The following ZNF644 variants were observed in gnomAD, a reference collection of about 807,000 sequenced individuals.
The protein encoded by ZNF644 is zinc finger motif enhancer binding protein 2.
In ZNF644, 20 loss-of-function variants were observed where a neutral mutation model predicts 108.0. The ratio of observed to expected loss-of-function variants is 0.19; its 90% CI spans 0.13 to 0.27. The LOEUF is 0.27. Among genes scored for constraint, ZNF644 ranks in the 10% least tolerant of loss-of-function variants. The pLI is 1.00. For synonymous variants in ZNF644, 542 were observed against 539.1 expected (o/e 1.01, Z -0.08); for missense variants, 1,338 against 1,548.9 (o/e 0.86, Z 2.29).
At chr1:90,926,393 C>T (rs1650037866) in intron 4 of ZNF644, among the ~76,000 whole-genome samples, 1 of 152,166 alleles carries the variant, frequency 6.6e-6, no homozygotes, top group African/African-American at 2.4e-5. Flanking sequence ...TTAGCCAACC[C>T]ATTCAACATA....
intron 1 of ZNF644, among the ~76,000 whole-genome samples, chr1:90,998,054 C>T (rs571066491): frequency 3.0e-4 from 45 of 152,298 alleles, no homozygotes; most frequent in Admixed American, 2.4e-3. Context: ...CCAGGAAGCT[C>T]GAACTGGGGG....
rs570312206 is a variant in ZNF644, at chr1:90,920,874, C to T, written c.3689-2720G>A. 1.0e-3 allele frequency among the ~76,000 whole-genome samples: 154 copies of T among 152,104 alleles called. 1 individual carries two copies. The highest frequency in any genetic ancestry group is 3.6e-3 in the African/African-American group (151 of 41,530). Reference sequence around the variant, plus strand: ...TCTAAATGCCTCAGTGTTTTAATATCTTCATCAATTCTAGATTTATTATCT... The same window carrying T: ...TCTAAATGCCTCAGTGTTTTAATATTTTCATCAATTCTAGATTTATTATCT... On this transcript the variant is annotated intron_variant, in intron 4 of 5. Transcript: ENST00000337393.
intron 2 of ZNF644, among the ~76,000 whole-genome samples, chr1:90,964,401 G>T (rs1292041427): frequency 6.6e-6 from 1 of 152,004 alleles, no homozygotes. Context: ...CCTAAAGGAG[G>T]TTTCTATCAA....
intron 1 of ZNF644, among the ~76,000 whole-genome samples, chr1:91,018,231 T>C (rs1164917541): frequency 6.6e-6 from 1 of 152,194 alleles, no homozygotes; most frequent in Non-Finnish European, 1.5e-5. Context: ...ATCAGTTCCA[T>C]GATTCTCAAA....
intron 2 of ZNF644, among the ~76,000 whole-genome samples, chr1:90,945,983 T>C (rs1025150462): frequency 1.3e-5 from 2 of 152,080 alleles, no homozygotes; most frequent in African/African-American, 4.8e-5. Flanking sequence ...GAATTATAGT[T>C]AGGATCTGTC....
intron 1 of ZNF644, among the ~76,000 whole-genome samples, chr1:90,997,963 T>G (rs189662516): frequency 0.013 from 1,925 of 152,314 alleles, 39 homozygotes; most frequent in African/African-American, 0.044. Flanking sequence ...CACAGCAGTC[T>G]GAGATCGAAC....
At chr1:90,980,095 T>C (rs1321143779) in intron 2 of ZNF644, among the ~76,000 whole-genome samples, 4 of 152,322 alleles carry the variant, frequency 2.6e-5, no homozygotes, top group East Asian at 1.9e-4. Context: ...ACTCTTTTCA[T>C]TGGTCAATGT....
At chr1:91,010,864 C>A (rs1659902380) in intron 1 of ZNF644, among the ~76,000 whole-genome samples, 1 of 152,062 alleles carries the variant, frequency 6.6e-6, no homozygotes, top group Non-Finnish European at 1.5e-5. Context: ...TACAACCAGA[C>A]AAACAAGACT....
intron 2 of ZNF644, among the ~76,000 whole-genome samples, chr1:90,950,306 G>GGAGGGCAGGGCAGGGCAGGGCA (rs1570411704): frequency 2.2e-5 from 1 of 45,108 alleles, no homozygotes; most frequent in African/African-American, 9.6e-5. Flanking sequence ...GGAGGGGAGG[G>GGAGGGCAGGGCAGGGCAGGGCA]GACAAAAGAA....
intron 1 of ZNF644, among the ~76,000 whole-genome samples, chr1:91,009,630 C>A (rs1358257181): frequency 6.6e-6 from 1 of 152,128 alleles, no homozygotes; most frequent in Non-Finnish European, 1.5e-5. Flanking sequence ...TAAGCCATGG[C>A]TAAAATACAG....
intron 1 of ZNF644, among the ~76,000 whole-genome samples, chr1:90,987,064 A>T (rs886371451): frequency 2.2e-4 from 29 of 134,470 alleles, no homozygotes; most frequent in Admixed American, 2.9e-4. Context: ...TTACATGTTT[A>T]AAAAAAAAAA....
rs201661481 is a variant in ZNF644, at chr1:90,939,554, A to G, written c.1800T>C (p.Val600=). The change falls in exon 3 of 6, where the codon GTT becomes GTC. Residue 600 remains valine (V), a synonymous_variant. Coordinates refer to ENST00000337393, the MANE Select transcript of ZNF644 (RefSeq NM_201269.3). ...MCPFTTSAKS[V]LKKHTEYLHS... is the part of the protein sequence containing the mutation. ...GCAAGTACTCCGTGTGCTTTTTTAAAACACTTTTGGCTGAAGTAGTAAAAG... is the reference window on the plus strand; with the variant it reads ...GCAAGTACTCCGTGTGCTTTTTTAAGACACTTTTGGCTGAAGTAGTAAAAG... 2 of 1,614,020 alleles carry G rather than the reference A, an allele frequency of 1.2e-6. No individual in the cohort carries two copies. Among genetic ancestry groups the G allele is most frequent in the African/African-American group, 2.7e-5 (2 of 75,042 alleles).
intron 1 of ZNF644, among the ~76,000 whole-genome samples, chr1:91,017,901 G>T (rs1188835274): frequency 1.3e-5 from 2 of 152,166 alleles, no homozygotes; most frequent in African/African-American, 4.8e-5. Context: ...GGCAGAGGTT[G>T]CAGTGAGCCA....
At chr1:90,969,343 C>A (rs1297026690) in intron 2 of ZNF644, among the ~76,000 whole-genome samples, 1 of 152,144 alleles carries the variant, frequency 6.6e-6, no homozygotes, top group South Asian at 2.1e-4. Flanking sequence ...TGATCCTGGA[C>A]TTCTAGCCTC....
rs939757941 is a variant in ZNF644, at chr1:90,938,979, G to A, written c.2375C>T (p.Pro792Leu). The A allele has an allele frequency of 1.9e-6, 3 of 1,613,992 alleles. No individual in the cohort carries two copies. Among genetic ancestry groups the A allele is most frequent in the Non-Finnish European group, 2.5e-6 (3 of 1,179,940 alleles). The change falls in exon 3 of 6, where the codon CCT (proline) becomes CTT (leucine). Residue 792 changes from proline to leucine, a missense_variant. Pro to Leu is a moderately conservative substitution (Grantham distance 98). Transcript: ENST00000337393. The surrounding 1 kb of genome is among the most constrained non-coding windows in gnomAD (Gnocchi z 4.2). ...HNNFISDPHKPDAKRPESFKD... is the reference protein window; with the variant it reads ...HNNFISDPHKLDAKRPESFKD... The stretch of plus-strand genomic sequence containing the variant: ...GAAGCTTTCAGGCCTTTTGGCGTCA[G>A]GCTTATGAGGGTCTGAAATAAAATT...
intron 2 of ZNF644, among the ~76,000 whole-genome samples, chr1:90,957,431 T>C (rs1653863005): frequency 2.0e-5 from 3 of 152,140 alleles, no homozygotes; most frequent in Admixed American, 1.3e-4. Context: ...TCATATAACA[T>C]AACCAAGTGG....
In ZNF644 at chr1:90,939,779, G is replaced by A. The variant is rs1270372546; in HGVS notation, c.1575C>T (p.Tyr525=). 12 of 1,613,910 alleles carry A rather than the reference G, an allele frequency of 7.4e-6. No homozygotes were observed. Among genetic ancestry groups the A allele is most frequent in the Non-Finnish European group, 1.0e-5 (12 of 1,179,952 alleles). ...CCATGAAGTTACACTCTTCACAGCA[G>A]TAGTACCTTTTATCTTTTTCATGGG... ...AKTHEKDKRY[Y]CCEECNFMAV... The change falls in exon 3 of 6, where the codon TAC becomes TAT. Residue 525 remains tyrosine (Y), a synonymous_variant. Transcript: ENST00000337393.
At position 90,939,204 on chromosome 1, in the gene ZNF644, T is replaced by C. The variant is rs1651679065; in HGVS notation, c.2150A>G (p.Gln717Arg). The change falls in exon 3 of 6, where the codon CAA becomes CGA. Residue 717 changes from glutamine (Q) to arginine (R), a missense_variant. Coordinates refer to ENST00000337393, the MANE Select transcript of ZNF644 (RefSeq NM_201269.3). ...KNVTIKSSVD[Q>R]KPKYFHQAAK... ...TGCTTGATGGAAATACTTAGGTTTT[T>C]GGTCAACGCTGCTTTTAATTGTAAC... is the stretch of plus-strand genomic sequence containing the variant. 1.9e-6 allele frequency: 3 copies of C among 1,613,956 alleles called. No individual in the cohort carries two copies. Among genetic ancestry groups the C allele is most frequent in the Non-Finnish European group, 2.5e-6 (3 of 1,179,906 alleles).
Position 90,915,773 on chromosome 1 carries a change from T to C in ZNF644, c.*1025A>G, listed in dbSNP as rs1344988796. The C allele has an allele frequency of 6.6e-6, 1 of 152,628 alleles. No individual in the cohort carries two copies. Among genetic ancestry groups the C allele is most frequent in the African/African-American group, 2.4e-5 (1 of 41,468 alleles). The allele number at this position is 152,628 out of a possible 1,614,324, so 9.5% of individuals were successfully genotyped here. Reference sequence around the variant, plus strand: ...AAAATTTAAATTGTAAACATTCTCATATGTAGAAATATTTTAATTGGTGTA... The same window carrying C: ...AAAATTTAAATTGTAAACATTCTCACATGTAGAAATATTTTAATTGGTGTA... On this transcript the variant is annotated 3_prime_UTR_variant, in exon 6 of 6. Coordinates refer to ENST00000337393, the MANE Select transcript of ZNF644 (RefSeq NM_201269.3).
Sources: gnomAD v4.1 joint callset for allele counts (sites outside exome capture counted in the v4.1 genomes callset) on GRCh38, gnomAD v4.1.1 for gene constraint, Gnocchi (gnomAD v3.1) non-coding constraint, MANE v1.5 for transcripts, NCBI Gene and HGNC (gene_info 2026-07-23, HGNC 2026-07-21) for gene names.